AQP7: variants seen among roughly 807,000 people sequenced by gnomAD.
AQP7 encodes aquaporin 7, also known as aquaporin-7.
Under a neutral mutation model 26.1 loss-of-function variants are expected in AQP7, and 22 were observed. The observed-to-expected ratio is 0.84, with a 90% confidence interval of 0.60 to 1.20. The LOEUF is 1.20. Ranked by LOEUF, AQP7 falls within the 50% of genes most tolerant of loss-of-function variation. The pLI is 0.00. For missense variants in AQP7, 412 were observed against 457.5 expected, an observed-to-expected ratio of 0.90 and a Z score of 0.91; for synonymous variants, 167 against 181.7, an observed-to-expected ratio of 0.92 and a Z score of 0.65.
chr9:33,386,806 G>A (rs1824859517), intron 4 of AQP7, among the ~76,000 whole-genome samples, 163 bp downstream of exon 4: 2 of 152,196 alleles, frequency 1.3e-5, no homozygotes, highest in Non-Finnish European at 2.9e-5. Flanking sequence ...AGAATCTGGG[G>A]CAAACACGTC....
chr9:33,386,624 T>C lies in AQP7; in HGVS notation c.269-83A>G, dbSNP rs531148039. On this transcript the variant is annotated intron_variant, in intron 4 of 7. Coordinates refer to ENST00000297988, the MANE Select transcript of AQP7 (RefSeq NM_001170.3). ...ACAGTATGAGAACAACGATGGCTAG[T>C]GTGTATGACAGCATGCTCCGTGACA... The C allele has an allele frequency of 4.2e-4, 626 of 1,493,454 alleles. 2 individuals are homozygous for C. Among genetic ancestry groups the C allele is most frequent in the East Asian group, 4.1e-3 (171 of 41,252 alleles). The allele number at this position is 1,493,454 out of a possible 1,614,324, so 92.5% of individuals were successfully genotyped here. A position where few individuals can be genotyped will look rare whatever the true frequency, so the allele number is the denominator to read the frequency against.
chr9:33,388,741 A>C (rs1825104686), intron 3 of AQP7, among the ~76,000 whole-genome samples: 1 of 152,244 alleles, frequency 6.6e-6, no homozygotes, highest in African/African-American at 2.4e-5. Flanking sequence ...CCAAGGTCAC[A>C]CAGCCTGTAC....
At chr9:33,395,711 G>A (rs2381016) in intron 2 of AQP7, among the ~76,000 whole-genome samples, 39 of 152,324 alleles carry the variant, frequency 2.6e-4, no homozygotes, top group African/African-American at 5.5e-4. Flanking sequence ...AGCACTGAGC[G>A]CTGAAACAAG....
At chr9:33,386,274 G>C in intron 5 of AQP7, 79 bp from the exon 6 acceptor site, 1 of 1,602,714 alleles carries the variant, frequency 6.2e-7, no homozygotes, top group Non-Finnish European at 8.5e-7. Context: ...TTATAGGTTA[G>C]AGGGTGGGGG....
chr9:33,391,781 T>G (rs1390952434), intron 3 of AQP7, among the ~76,000 whole-genome samples: 5 of 152,204 alleles, frequency 3.3e-5, no homozygotes, highest in African/African-American at 1.2e-4. Context: ...ATGTCCGATA[T>G]AGGCTTACAC....
In AQP7 at chr9:33,391,195, C is replaced by T. The variant is rs117099718; in HGVS notation, c.144+3883G>A. 2.6e-5 allele frequency among the ~76,000 whole-genome samples: 4 copies of T among 152,242 alleles called. No individual in the cohort carries two copies. The South Asian group carries it at 6.2e-4, about 24-fold the overall frequency. The stretch of plus-strand genomic sequence containing the variant: ...GGGTTGCCAACTGGCAACTCATGCA[C>T]GTAATTCATCCAGCGCACAGGTTTT... On this transcript the variant is annotated intron_variant, in intron 3 of 7. Transcript: ENST00000297988.
At chr9:33,399,980 G>A (rs1397593564) in intron 2 of AQP7, among the ~76,000 whole-genome samples, 3 of 152,068 alleles carry the variant, frequency 2.0e-5, no homozygotes, top group African/African-American at 7.2e-5. Context: ...GAGGAGAAGG[G>A]GACCCCTGAC....
At chr9:33,387,273 C>T (rs1313363260) in intron 3 of AQP7, among the ~76,000 whole-genome samples, 181 bp from the exon 4 acceptor site, 1 of 152,054 alleles carries the variant, frequency 6.6e-6, no homozygotes, top group African/African-American at 2.4e-5. Context: ...CTCTCCTTGC[C>T]CCTGCTGAGG....
At position 33,386,097 on chromosome 9, in the gene AQP7, A is replaced by G; in HGVS notation, c.505T>C (p.Trp169Arg). 1 of 1,613,620 alleles carries G rather than the reference A, an allele frequency of 6.2e-7. No homozygotes were observed. The highest frequency in any genetic ancestry group is 8.5e-7 in the Non-Finnish European group (1 of 1,179,852). The change falls in exon 6 of 8, where the codon TGG becomes CGG. Residue 169 changes from tryptophan (W) to arginine (R), a missense_variant. Transcript: ENST00000297988. ...ATYLPDHMTL[W>R]RGFLNEAWLT... ...CTGACCTCATTCAGGAAGCCCCGCC[A>G]CAATGTCATGTGATCAGGAAGGTAG...
At chr9:33,397,984 G>A (rs1011745656) in intron 2 of AQP7, among the ~76,000 whole-genome samples, 10 of 152,156 alleles carry the variant, frequency 6.6e-5, no homozygotes, top group African/African-American at 1.4e-4. Context: ...GATCCAGCCC[G>A]TGGGAAGAAA....
Position 33,385,086 on chromosome 9 carries a change from G to A in AQP7, c.948C>T (p.Pro316=), listed in dbSNP as rs774092608. 1.3e-5 allele frequency: 21 copies of A among 1,611,816 alleles called. No homozygotes were observed. The highest frequency in any genetic ancestry group is 4.4e-5 in the South Asian group (4 of 90,990). Residue 316 remains proline (P), a synonymous_variant, in exon 8 of 8, where the codon CCC becomes CCT. Coordinates refer to ENST00000297988, the MANE Select transcript of AQP7 (RefSeq NM_001170.3). ...SHEPTISPLT[P]VSVSPANRSS... ...ATCTGTTGGCAGGGCTCACAGAGAC[G>A]GGGGTGAGGGGAGAGATCGTGGGTT...
chr9:33,392,785 G>C (rs1825527543), intron 3 of AQP7, among the ~76,000 whole-genome samples: 2 of 152,218 alleles, frequency 1.3e-5, no homozygotes, highest in South Asian at 4.1e-4. Context: ...AGGAGGGCTA[G>C]AGGCAGAGAG....
intron 3 of AQP7, among the ~76,000 whole-genome samples, chr9:33,393,587 GC>G (rs1304929854): frequency 6.6e-6 from 1 of 152,190 alleles, no homozygotes; most frequent in Non-Finnish European, 1.5e-5. Context: ...CCTGGACCCT[GC>G]ATAAGATGCA....
At chr9:33,398,644 G>A (rs566149341) in intron 2 of AQP7, among the ~76,000 whole-genome samples, 7 of 152,344 alleles carry the variant, frequency 4.6e-5, no homozygotes, top group Admixed American at 2.6e-4. Flanking sequence ...AGAAGCTGTG[G>A]GAGAATGGAC....
At chr9:33,396,029 C>T (rs62544575) in intron 2 of AQP7, among the ~76,000 whole-genome samples, 51 of 151,860 alleles carry the variant, frequency 3.4e-4, no homozygotes, top group Middle Eastern at 6.8e-3. Flanking sequence ...GTTAAGTGCA[C>T]GGTTAGATGG....
chr9:33,385,748 A>C lies in AQP7; in HGVS notation c.644T>G (p.Val215Gly). The C allele has an allele frequency of 1.2e-6, 2 of 1,613,752 alleles. No homozygotes were observed. Among genetic ancestry groups the C allele is most frequent in the Non-Finnish European group, 1.7e-6 (2 of 1,180,012 alleles). Reference protein sequence around the residue: ...VIGILVVIIGVSLGMNTGYAI... With the variant: ...VIGILVVIIGGSLGMNTGYAI... ...ATATCCTGTGTTCATGCCAAGGGAC[A>C]CCCCGATGATGACCACGAGGATGCC... The change falls in exon 7 of 8, where the codon GTG (valine) becomes GGG (glycine). Residue 215 changes from valine (V) to glycine (G), a missense_variant. Val to Gly is a moderately radical substitution (Grantham distance 109). Transcript: ENST00000297988.
intron 3 of AQP7, among the ~76,000 whole-genome samples, chr9:33,392,707 G>A (rs1009034692): frequency 6.6e-6 from 1 of 152,172 alleles, no homozygotes; most frequent in African/African-American, 2.4e-5. Context: ...GATTAAGGAG[G>A]GACAGGATCC....
intron 3 of AQP7, among the ~76,000 whole-genome samples, chr9:33,390,043 A>AG (rs1313243537): frequency 1.8e-4 from 28 of 151,872 alleles, no homozygotes; most frequent in African/African-American, 6.0e-4. Context: ...AAAAAAAAAA[A>AG]AAAGAAAAGA....
chr9:33,399,435 T>A (rs2484932), intron 2 of AQP7, among the ~76,000 whole-genome samples: 89,134 of 150,318 alleles, frequency 0.59, 26,759 homozygotes, highest in African/African-American at 0.68. Context: ...TTTCCACTAA[T>A]AATAAAAAAA....
Sources: allele counts gnomAD v4.1 joint callset (sites outside exome capture counted in the v4.1 genomes callset), GRCh38; gene constraint gnomAD v4.1.1; transcripts MANE v1.5; gene names NCBI Gene and HGNC (gene_info 2026-07-23, HGNC 2026-07-21).